The following MAML3 variants were observed in gnomAD, a reference collection of about 807,000 sequenced individuals.
The protein encoded by MAML3 is mastermind like transcriptional coactivator 3, also known as mastermind-like protein 3.
A neutral mutation model predicts 101.9 loss-of-function variants in MAML3; 27 were observed. That is an observed-to-expected ratio of 0.27 (90% CI 0.20 to 0.37). The LOEUF (loss-of-function observed/expected upper bound fraction) is 0.37, where lower values mean the gene tolerates loss of function less well. MAML3 is among the 10% of genes least tolerant of loss of function. The probability of loss-of-function intolerance (pLI) is 1.00; values close to 1 mark genes in which losing one functional copy is unlikely to be tolerated. For missense variants in MAML3, 1,316 were observed against 1,444.9 expected (o/e 0.91, Z 1.45); for synonymous variants, 501 against 555.9 (o/e 0.90, Z 1.39).
chr4:140,036,623 GAGA>G (rs146459222), intron 1 of MAML3, among the ~76,000 whole-genome samples: 2,188 of 152,268 alleles, frequency 0.014, 61 homozygotes, highest in African/African-American at 0.049. Context: ...AGGAGAAGAT[GAGA>G]AGAACAGCTG....
Position 139,774,896 on chromosome 4 carries a change from T to TATGTAAAC in MAML3, c.2080-44237_2080-44230dup, listed in dbSNP as rs530328880. Among the ~76,000 whole-genome samples the TATGTAAAC allele has an allele frequency of 2.8e-4, 43 of 152,306 alleles. No homozygotes were observed. In the East Asian group the frequency reaches 7.3e-3, roughly 26 times the overall value. ...TTTGGAGGAAAGAGAAATAAATGTG[T>TATGTAAAC]ATGTAAACGCTAATCAGGCCGATGA... On this transcript the variant is annotated intron_variant, in intron 2 of 4. Coordinates refer to ENST00000509479, the MANE Select transcript of MAML3 (RefSeq NM_018717.5).
rs1357654395 is a variant in MAML3 at position 140,032,876 on chromosome 4, T to C, written c.468+119984A>G. Among the ~76,000 whole-genome samples the C allele has an allele frequency of 6.8e-5, 4 of 58,526 alleles. No individual in the cohort carries two copies. In the Admixed American group the frequency reaches 9.3e-4, roughly 14 times the overall value. 38.4% of individuals were successfully genotyped at this position (58,526 alleles called of 152,430 possible). A position where few individuals can be genotyped will look rare whatever the true frequency, so the allele number is the denominator to read the frequency against. On this transcript the variant is annotated intron_variant, in intron 1 of 4. Coordinates refer to ENST00000509479, the MANE Select transcript of MAML3 (RefSeq NM_018717.5). ...CCATTGGAAAAAAACCTCTCATTGT[T>C]TGTAAAAAAAAAAAAAAAAAAAAGT...
At chr4:140,109,679 C>T (rs1445923043) in intron 1 of MAML3, among the ~76,000 whole-genome samples, 1 of 152,228 alleles carries the variant, frequency 6.6e-6, no homozygotes, top group East Asian at 1.9e-4. Flanking sequence ...ACTAGGCTTG[C>T]TTTTCTCCAG....
intron 1 of MAML3, among the ~76,000 whole-genome samples, chr4:140,027,399 T>C (rs558301291): frequency 1.3e-5 from 2 of 152,366 alleles, no homozygotes; most frequent in African/African-American, 4.8e-5. Context: ...TTTAGTTGTT[T>C]GCACTCTGTC....
chr4:140,025,412 C>T (rs1054755089), intron 1 of MAML3, among the ~76,000 whole-genome samples: 6 of 152,050 alleles, frequency 3.9e-5, no homozygotes, highest in Non-Finnish European at 8.8e-5. Context: ...TATGAAGGGT[C>T]ATTCTCTTTG....
intron 2 of MAML3, among the ~76,000 whole-genome samples, chr4:139,863,821 C>T (rs1405544550): frequency 8.1e-6 from 1 of 123,256 alleles, no homozygotes; most frequent in Non-Finnish European, 1.7e-5. Context: ...TGTGGTAATA[C>T]CAGAACATGG....
At chr4:140,131,931 T>C (rs181453497) in intron 1 of MAML3, among the ~76,000 whole-genome samples, 72 of 152,384 alleles carry the variant, frequency 4.7e-4, no homozygotes, top group Non-Finnish European at 8.8e-4. Flanking sequence ...CAGTCTCTAT[T>C]TGAGACATCA....
At chr4:139,914,912 T>C (rs2111227734) in intron 1 of MAML3, among the ~76,000 whole-genome samples, 1 of 152,318 alleles carries the variant, frequency 6.6e-6, no homozygotes, top group Middle Eastern at 3.4e-3. Context: ...TTCCACATGT[T>C]TTGGTTTTAA....
chr4:140,077,919 C>G (rs1727797602), intron 1 of MAML3, among the ~76,000 whole-genome samples: 1 of 151,838 alleles, frequency 6.6e-6, no homozygotes, highest in African/African-American at 2.4e-5. Context: ...TCGGGAGGCC[C>G]AGGCAGGAGA....
chr4:139,963,272 A>G (rs1734058690), intron 1 of MAML3, among the ~76,000 whole-genome samples: 1 of 152,218 alleles, frequency 6.6e-6, no homozygotes, highest in African/African-American at 2.4e-5. Flanking sequence ...CTAACTAAAT[A>G]AATAAACAAA....
intron 1 of MAML3, among the ~76,000 whole-genome samples, chr4:140,106,115 G>GAAAAAA (rs59770042): frequency 6.7e-5 from 6 of 90,074 alleles, no homozygotes; most frequent in East Asian, 3.6e-4. Flanking sequence ...CTGACTTCAA[G>GAAAAAA]AAAAAAAAAA....
At position 139,863,832 on chromosome 4, in the gene MAML3, G is replaced by GTTTT. The variant is rs58270046; in HGVS notation, c.2079+25521_2079+25524dup. ...TTTCTGTGGTAATACCAGAACATGGGTTTTTTTTTTTTTTTTTTTTTTTTG... is the reference window on the plus strand; with the variant it reads ...TTTCTGTGGTAATACCAGAACATGGGTTTTTTTTTTTTTTTTTTTTTTTTTTTTG... On this transcript the variant is annotated intron_variant, in intron 2 of 4. Transcript: ENST00000509479. Among the ~76,000 whole-genome samples the GTTTT allele has an allele frequency of 2.5e-3, 275 of 111,194 alleles. 5 individuals are homozygous for GTTTT. Among genetic ancestry groups the GTTTT allele is most frequent in the African/African-American group, 7.7e-3 (268 of 34,768 alleles). 72.9% of individuals were successfully genotyped at this position (111,194 alleles called of 152,430 possible).
chr4:140,035,575 T>C (rs1410199861), intron 1 of MAML3, among the ~76,000 whole-genome samples: 1 of 152,040 alleles, frequency 6.6e-6, no homozygotes, highest in Non-Finnish European at 1.5e-5. Flanking sequence ...AGCAGGTAGA[T>C]CACGAGGTCA....
intron 1 of MAML3, among the ~76,000 whole-genome samples, chr4:139,953,394 G>A (rs982862956): frequency 3.3e-5 from 5 of 152,232 alleles, no homozygotes; most frequent in African/African-American, 4.8e-5. Flanking sequence ...GAGAGGCTGA[G>A]GCGGGTGGAT....
chr4:139,795,218 C>G (rs997564875), intron 2 of MAML3, among the ~76,000 whole-genome samples: 1 of 152,120 alleles, frequency 6.6e-6, no homozygotes, highest in South Asian at 2.1e-4. Flanking sequence ...AAGACTAATT[C>G]GACAATAACC....
rs562723138 is a variant in MAML3, at chr4:140,085,744, T to C, written c.468+67116A>G. Among the ~76,000 whole-genome samples the C allele has an allele frequency of 2.0e-5, 3 of 152,340 alleles. No individual in the cohort carries two copies. The East Asian group carries it at 5.8e-4, about 29-fold the overall frequency. On this transcript the variant is annotated intron_variant, in intron 1 of 4. Coordinates refer to ENST00000509479, the MANE Select transcript of MAML3 (RefSeq NM_018717.5). ...GGTACCTTTCAATGTTCATGTATAA[T>C]AAATACAGTTTCAAAATAAAGAATA...
chr4:140,121,578 A>G (rs1296103667), intron 1 of MAML3, among the ~76,000 whole-genome samples: 1 of 152,256 alleles, frequency 6.6e-6, no homozygotes, highest in Non-Finnish European at 1.5e-5. Context: ...GCTGATACTC[A>G]ATATGGCAAA....
At chr4:139,908,133 C>T (rs1445716058) in intron 1 of MAML3, among the ~76,000 whole-genome samples, 1 of 152,180 alleles carries the variant, frequency 6.6e-6, no homozygotes, top group Non-Finnish European at 1.5e-5. Context: ...TCTCTGAAGT[C>T]CCCTATAGAT....
At chr4:140,116,624 C>T (rs1379544814) in intron 1 of MAML3, among the ~76,000 whole-genome samples, 1 of 152,234 alleles carries the variant, frequency 6.6e-6, no homozygotes, top group Non-Finnish European at 1.5e-5. Context: ...AGTTGCCATT[C>T]CCTCCATCCT....
Sources: gnomAD v4.1 joint callset for allele counts (sites outside exome capture counted in the v4.1 genomes callset) on GRCh38, gnomAD v4.1.1 for gene constraint, MANE v1.5 for transcripts, NCBI Gene and HGNC (gene_info 2026-07-23, HGNC 2026-07-21) for gene names.